Variants in ASTN1 observed in about 807,000 individuals in gnomAD.
ASTN1 encodes the protein astrotactin 1.
Under a neutral mutation model 140.7 loss-of-function variants are expected in ASTN1, and 41 were observed. That is an observed-to-expected ratio of 0.29 (90% CI 0.23 to 0.38). ASTN1 has a LOEUF of 0.38. ASTN1 is among the 10% of genes least tolerant of loss of function. ASTN1 has a pLI of 1.00. For synonymous variants in ASTN1, 640 were observed against 652.2 expected, an observed-to-expected ratio of 0.98 and a Z score of 0.29; for missense variants, 1,479 against 1,678.8, an observed-to-expected ratio of 0.88 and a Z score of 2.08.
chr1:176,987,518 A>T (rs1449042719), intron 8 of ASTN1, among the ~76,000 whole-genome samples: 1 of 152,156 alleles, frequency 6.6e-6, no homozygotes, highest in Non-Finnish European at 1.5e-5. Flanking sequence ...CAAGCTTCTC[A>T]TTTGAAGTTC....
At chr1:176,965,940 G>C (rs117273908) in intron 8 of ASTN1, among the ~76,000 whole-genome samples, 1 of 152,236 alleles carries the variant, frequency 6.6e-6, no homozygotes, top group East Asian at 1.9e-4. Context: ...TCCTTCTAGT[G>C]AACATCTAGG....
rs1383001852 is a variant in ASTN1, at chr1:177,034,137, G to A, written c.472-1288C>T. ...AGAGTATGCCTCCAAATACATTAAA[G>A]GGGGCTTTTCCAGTCTCATAATAAT... is the stretch of plus-strand genomic sequence containing the variant. On this transcript the variant is annotated intron_variant, in intron 2 of 22. Coordinates refer to ENST00000361833, the MANE Select transcript of ASTN1 (RefSeq NM_004319.3). 2.6e-5 allele frequency among the ~76,000 whole-genome samples: 4 copies of A among 152,132 alleles called. No individual in the cohort carries two copies. The South Asian group carries it at 6.2e-4, about 24-fold the overall frequency.
At chr1:176,908,619 C>T in intron 16 of ASTN1, among the ~76,000 whole-genome samples, 1 of 152,174 alleles carries the variant, frequency 6.6e-6, no homozygotes, top group East Asian at 1.9e-4. Flanking sequence ...TCTCTTTGGC[C>T]TTCAGTTGCC....
chr1:176,898,823 G>C (rs1458271915), intron 16 of ASTN1, among the ~76,000 whole-genome samples: 5 of 152,182 alleles, frequency 3.3e-5, no homozygotes, highest in African/African-American at 7.2e-5. Context: ...TAGAGTCTGA[G>C]TAGAACTGCT....
At chr1:176,986,218 T>C (rs2101889712) in intron 8 of ASTN1, among the ~76,000 whole-genome samples, 1 of 152,312 alleles carries the variant, frequency 6.6e-6, no homozygotes, top group South Asian at 2.1e-4. Context: ...GAGCTATTGC[T>C]AGGTCTAAAT....
At chr1:177,021,131 C>T (rs1038139973) in intron 7 of ASTN1, among the ~76,000 whole-genome samples, 3 of 152,214 alleles carry the variant, frequency 2.0e-5, no homozygotes, top group African/African-American at 7.2e-5. Flanking sequence ...CAATGCTTTC[C>T]AATTCCAGCA....
At chr1:177,113,936 T>A (rs1247412123) in intron 1 of ASTN1, among the ~76,000 whole-genome samples, 1 of 152,218 alleles carries the variant, frequency 6.6e-6, no homozygotes, top group Non-Finnish European at 1.5e-5. Context: ...ATAGTAAAAC[T>A]GGCTCATAAT....
Position 176,934,340 on chromosome 1 carries a change from G to T in ASTN1, c.2483C>A (p.Ala828Asp). 2 of 1,603,066 alleles carry T rather than the reference G, an allele frequency of 1.2e-6. No homozygotes were observed. Among genetic ancestry groups the T allele is most frequent in the Non-Finnish European group, 1.7e-6 (2 of 1,170,936 alleles). Residue 828 changes from alanine (A) to aspartate (D), a missense_variant and splice_region_variant, in exon 16 of 23, where the codon GCC becomes GAC. By Grantham distance (126) the Ala-to-Asp change is moderately radical. Around this residue, in one of 3 missense-constraint regions of ASTN1, gnomAD observed 746 missense variants for 800.9 expected, o/e 0.93. Transcript: ENST00000361833. ...IKLNQVAISQ[A>D]LSNALHSLDG... ...CAGCGAGTGGAGAGCATTGCTGAGG[G>T]CTATGGAGAGGCATCACCCAAGGGT...
At chr1:177,029,271 A>C in intron 5 of ASTN1, 1 of 480,048 alleles carries the variant, frequency 2.1e-6, no homozygotes, top group Admixed American at 2.3e-5. Context: ...GCAGGGGTAC[A>C]TATAGTATCC....
intron 16 of ASTN1, among the ~76,000 whole-genome samples, chr1:176,933,898 CTCTG>C (rs1414090076): frequency 1.3e-5 from 2 of 152,180 alleles, no homozygotes; most frequent in Admixed American, 6.5e-5. Flanking sequence ...CTTTAGAGGA[CTCTG>C]TCTGTGATAA....
At chr1:177,149,421 A>C (rs1682904926) in intron 1 of ASTN1, among the ~76,000 whole-genome samples, 1 of 78,456 alleles carries the variant, frequency 1.3e-5, no homozygotes, top group African/African-American at 6.6e-5. Context: ...TATATATAGT[A>C]TATATATAGT....
chr1:176,956,300 C>A (rs1672396880), intron 11 of ASTN1, among the ~76,000 whole-genome samples: 1 of 152,108 alleles, frequency 6.6e-6, no homozygotes, highest in African/African-American at 2.4e-5. Flanking sequence ...TCAGATGAAT[C>A]AGCCTCCTGT....
intron 2 of ASTN1, among the ~76,000 whole-genome samples, chr1:177,037,069 C>T (rs1306643835): frequency 2.6e-5 from 4 of 152,196 alleles, no homozygotes; most frequent in African/African-American, 9.6e-5. Context: ...ATCCACTTGC[C>T]TCGGCCTCCC....
intron 2 of ASTN1, among the ~76,000 whole-genome samples, chr1:177,044,176 T>TACAC (rs3979531): frequency 0.35 from 49,414 of 143,128 alleles, 9,088 homozygotes; most frequent in Middle Eastern, 0.44. Context: ...AAAAAAAAAA[T>TACAC]ACACACACAC....
At chr1:176,918,800 A>G (rs1670603272) in intron 16 of ASTN1, among the ~76,000 whole-genome samples, 1 of 152,012 alleles carries the variant, frequency 6.6e-6, no homozygotes. Flanking sequence ...GTGGCTTCCT[A>G]CTCAGTAGCC....
intron 14 of ASTN1, among the ~76,000 whole-genome samples, chr1:176,942,839 T>TAA (rs1281402238): frequency 1.5e-5 from 1 of 65,352 alleles, no homozygotes; most frequent in Admixed American, 1.7e-4. Context: ...TATATATGTA[T>TAA]ATATATATAT....
At chr1:177,121,154 T>G (rs1681365580) in intron 1 of ASTN1, among the ~76,000 whole-genome samples, 1 of 151,924 alleles carries the variant, frequency 6.6e-6, no homozygotes, top group African/African-American at 2.4e-5. Flanking sequence ...AGGTTTTGGG[T>G]TTCAATAGAC....
chr1:177,117,263 G>A (rs903150782), intron 1 of ASTN1, among the ~76,000 whole-genome samples: 4 of 152,240 alleles, frequency 2.6e-5, no homozygotes, highest in African/African-American at 9.6e-5. Flanking sequence ...CCCATTTATA[G>A]TTCTGTTCCA....
chr1:177,047,479 G>C (rs1677297780), intron 2 of ASTN1, among the ~76,000 whole-genome samples: 2 of 152,186 alleles, frequency 1.3e-5, no homozygotes, highest in African/African-American at 2.4e-5. Flanking sequence ...TTAGCCTTCT[G>C]AATGGAGGAA....
Sources: gnomAD v4.1 joint callset for allele counts (sites outside exome capture counted in the v4.1 genomes callset) on GRCh38, gnomAD v4.1.1 for gene constraint, gnomAD v4.1.1 regional missense constraint, MANE v1.5 for transcripts, NCBI Gene and HGNC (gene_info 2026-07-23, HGNC 2026-07-21) for gene names.